TXNDC16: variants seen among roughly 807,000 people sequenced by gnomAD.
The protein encoded by TXNDC16 is thioredoxin domain containing 16.
Under a neutral mutation model 85.6 loss-of-function variants are expected in TXNDC16, and 74 were observed. That is an observed-to-expected ratio of 0.86 (90% CI 0.72 to 1.05). The LOEUF is 1.05. TXNDC16 is among the 50% of genes least tolerant of loss of function. TXNDC16 has a pLI of 0.00. For synonymous variants in TXNDC16, 335 were observed against 326.5 expected (o/e 1.03, Z -0.28); for missense variants, 959 against 947.0 (o/e 1.01, Z -0.17).
At chr14:52,453,212 C>T (rs1824258) in intron 18 of TXNDC16, among the ~76,000 whole-genome samples, 36,687 of 151,826 alleles carry the variant, frequency 0.24, 4,602 homozygotes, top group East Asian at 0.4. Context: ...AAAAGGGACC[C>T]CTCGTATACT....
Position 52,455,353 on chromosome 14 carries a change from T to C in TXNDC16, c.1813A>G (p.Ile605Val). 6.2e-7 allele frequency: 1 copy of C among 1,613,884 alleles called. No individual in the cohort carries two copies. ...ATTTCCAGTAGTGCATCTGTTATTA[T>C]TTGAACTATGTCTTGTGCATGTGTG... Reference protein sequence around the residue: ...ASTHAQDIVQIITDALLEMFP... With the variant: ...ASTHAQDIVQVITDALLEMFP... Residue 605 changes from isoleucine (I) to valine (V), a missense_variant, in exon 18 of 21, where the codon ATA becomes GTA. Physicochemically the swap from Ile to Val is conservative, Grantham distance 29. Coordinates refer to ENST00000281741, the MANE Select transcript of TXNDC16 (RefSeq NM_020784.3).
intron 11 of TXNDC16, among the ~76,000 whole-genome samples, chr14:52,489,090 T>C (rs17253089): frequency 0.049 from 7,508 of 152,284 alleles, 238 homozygotes; most frequent in Middle Eastern, 0.075. Context: ...TACCAAGTTC[T>C]ACCTCTTTAT....
chr14:52,532,473 G>A (rs2037604269), intron 6 of TXNDC16, among the ~76,000 whole-genome samples: 1 of 151,900 alleles, frequency 6.6e-6, no homozygotes, highest in South Asian at 2.1e-4. Flanking sequence ...GTCTCAGTCT[G>A]TCACCCAGGT....
rs1212609145 is a variant in TXNDC16 at position 52,431,460 on chromosome 14, C to T, written c.*844G>A. 3.3e-5 allele frequency: 5 copies of T among 152,200 alleles called. No individual in the cohort carries two copies. Among genetic ancestry groups the T allele is most frequent in the Non-Finnish European group, 7.3e-5 (5 of 68,034 alleles). The allele number at this position is 152,200 out of a possible 1,614,324, so 9.4% of individuals were successfully genotyped here. A position where few individuals can be genotyped will look rare whatever the true frequency, so the allele number is the denominator to read the frequency against. ...GATCAAGTTGTATCCAGGTAATAAT[C>T]AGGATAAGACCATCTAATACATATC... On this transcript the variant is annotated 3_prime_UTR_variant, in exon 21 of 21. Transcript: ENST00000281741.
At chr14:52,519,334 T>G (rs755720060) in intron 6 of TXNDC16, 41 bp from the exon 7 acceptor site, 3 of 1,482,482 alleles carry the variant, frequency 2.0e-6, no homozygotes, top group Non-Finnish European at 2.8e-6. Flanking sequence ...AAATCTGATA[T>G]GTATTTAGTT....
intron 1 of TXNDC16, among the ~76,000 whole-genome samples, chr14:52,549,307 T>A (rs753276804): frequency 6.6e-6 from 1 of 152,200 alleles, no homozygotes. Context: ...ATGAGTGACA[T>A]GTAACTAAAG....
chr14:52,535,356 A>T (rs568988631), intron 6 of TXNDC16, among the ~76,000 whole-genome samples: 14 of 152,106 alleles, frequency 9.2e-5, no homozygotes, highest in Non-Finnish European at 1.9e-4. Flanking sequence ...TACAAGTATC[A>T]GGGCCCATGG....
chr14:52,450,444 G>A (rs1355269071), intron 18 of TXNDC16, among the ~76,000 whole-genome samples: 1 of 143,890 alleles, frequency 6.9e-6, no homozygotes, highest in East Asian at 2.0e-4. Context: ...TAATACAAAG[G>A]CTTCCAGAAA....
chr14:52,449,071 G>A (rs2035348552), intron 18 of TXNDC16, among the ~76,000 whole-genome samples: 1 of 151,622 alleles, frequency 6.6e-6, no homozygotes. Flanking sequence ...TAACAAAATG[G>A]CAGGAGTAAG....
chr14:52,514,753 A>C (rs1203775985), intron 8 of TXNDC16, 127 bp downstream of exon 8: 1 of 640,470 alleles, frequency 1.6e-6, no homozygotes, highest in Non-Finnish European at 2.7e-6. Flanking sequence ...TTATATATTC[A>C]CATCTGCTAT....
intron 14 of TXNDC16, among the ~76,000 whole-genome samples, chr14:52,480,156 C>T (rs1453513842): frequency 6.6e-6 from 1 of 152,174 alleles, no homozygotes; most frequent in South Asian, 2.1e-4. Context: ...TATACAAAAT[C>T]AACTCAAGAT....
chr14:52,443,206 A>G (rs2035205340), intron 18 of TXNDC16, among the ~76,000 whole-genome samples: 1 of 152,058 alleles, frequency 6.6e-6, no homozygotes, highest in African/African-American at 2.4e-5. Context: ...AGACAGAAAA[A>G]AGTGTAAAGA....
At chr14:52,483,068 C>G in intron 12 of TXNDC16, 103 bp from the exon 13 acceptor site, 1 of 966,868 alleles carries the variant, frequency 1.0e-6, no homozygotes. Flanking sequence ...TTTATACAAA[C>G]TTTTGAATTC....
At chr14:52,502,271 C>G (rs1310471864) in intron 9 of TXNDC16, among the ~76,000 whole-genome samples, 2 of 152,216 alleles carry the variant, frequency 1.3e-5, no homozygotes, top group Non-Finnish European at 2.9e-5. Flanking sequence ...AAAGTTCAAA[C>G]AAATAAAACG....
intron 14 of TXNDC16, among the ~76,000 whole-genome samples, chr14:52,475,659 C>T (rs1254398931): frequency 6.6e-6 from 1 of 152,134 alleles, no homozygotes; most frequent in East Asian, 1.9e-4. Flanking sequence ...ACAGCAGACG[C>T]AGCAAGACCT....
intron 18 of TXNDC16, among the ~76,000 whole-genome samples, chr14:52,445,872 T>G (rs1033427056): frequency 6.6e-6 from 1 of 152,222 alleles, no homozygotes; most frequent in African/African-American, 2.4e-5. Flanking sequence ...ATGATAAAAC[T>G]GCCTATCGAT....
intron 19 of TXNDC16, among the ~76,000 whole-genome samples, chr14:52,439,887 A>C (rs201040019): frequency 6.6e-6 from 1 of 152,134 alleles, no homozygotes; most frequent in South Asian, 2.1e-4. Context: ...GGAAACTCTA[A>C]GTTAAAGATA....
chr14:52,441,108 A>G (rs1018170917), intron 18 of TXNDC16, among the ~76,000 whole-genome samples: 3 of 152,212 alleles, frequency 2.0e-5, no homozygotes, highest in African/African-American at 7.2e-5. Context: ...CTGTAAGCTG[A>G]AAAAGTATTT....
At chr14:52,546,757 C>T (rs779329142) in intron 1 of TXNDC16, among the ~76,000 whole-genome samples, 3 of 152,212 alleles carry the variant, frequency 2.0e-5, no homozygotes, top group Non-Finnish European at 2.9e-5. Flanking sequence ...ACTATTTTCT[C>T]TTAAGCTGCA....
Sources: allele counts gnomAD v4.1 joint callset (sites outside exome capture counted in the v4.1 genomes callset), GRCh38; gene constraint gnomAD v4.1.1; transcripts MANE v1.5; gene names NCBI Gene and HGNC (gene_info 2026-07-23, HGNC 2026-07-21).